Variants in MAGI2 observed in about 807,000 individuals in gnomAD.
MAGI2 encodes membrane associated guanylate kinase, WW and PDZ domain containing 2.
A neutral mutation model predicts 133.3 loss-of-function variants in MAGI2; 35 were observed. That is an observed-to-expected ratio of 0.26 (90% CI 0.20 to 0.35). MAGI2 has a LOEUF of 0.35. Among genes scored for constraint, MAGI2 ranks in the 10% least tolerant of loss-of-function variants. MAGI2 has a pLI of 1.00. For missense variants in MAGI2, 1,636 were observed against 1,863.4 expected, an observed-to-expected ratio of 0.88 and a Z score of 2.25; for synonymous variants, 729 against 710.6, an observed-to-expected ratio of 1.03 and a Z score of -0.41.
At chr7:79,039,835 A>G (rs546339291) in intron 1 of MAGI2, among the ~76,000 whole-genome samples, 105 of 145,990 alleles carry the variant, frequency 7.2e-4, no homozygotes, top group Admixed American at 2.1e-3. Context: ...TTCATTGTAT[A>G]TATTATATAT....
intron 1 of MAGI2, among the ~76,000 whole-genome samples, chr7:79,039,850 A>ATATAT (rs1054560298): frequency 6.9e-6 from 1 of 144,296 alleles, no homozygotes; most frequent in African/African-American, 2.5e-5. Flanking sequence ...ATATATACAT[A>ATATAT]TATATTATAT....
intron 6 of MAGI2, among the ~76,000 whole-genome samples, chr7:78,441,809 A>AT (rs1554411639): frequency 2.0e-5 from 3 of 152,180 alleles, no homozygotes; most frequent in Non-Finnish European, 4.4e-5. Flanking sequence ...GAATGAAATA[A>AT]TTAACATTTC....
At chr7:79,067,740 T>G (rs1814514661) in intron 1 of MAGI2, among the ~76,000 whole-genome samples, 1 of 152,214 alleles carries the variant, frequency 6.6e-6, no homozygotes, top group Admixed American at 6.5e-5. Context: ...TGGTTGTGGG[T>G]TTGACCTAAA....
intron 10 of MAGI2, among the ~76,000 whole-genome samples, chr7:78,214,238 A>C (rs1788050331): frequency 1.3e-5 from 2 of 152,194 alleles, no homozygotes; most frequent in African/African-American, 4.8e-5. Context: ...TCCTTTTTAA[A>C]TATTACATCT....
chr7:78,091,093 G>A (rs1294741355), intron 20 of MAGI2, among the ~76,000 whole-genome samples: 6 of 151,978 alleles, frequency 3.9e-5, no homozygotes, highest in African/African-American at 1.4e-4. Context: ...GAGAGTAAGA[G>A]TGAATGAATA....
Position 79,082,136 on chromosome 7 carries a change from T to G in MAGI2, c.302-74930A>C, listed in dbSNP as rs529638660. ...GAATACCACTCCATTACCAGATATA[T>G]GATTTGCACATATTTTCTTCCATCA... is the stretch of plus-strand genomic sequence containing the variant. On this transcript the variant is annotated intron_variant, in intron 1 of 21. Transcript: ENST00000354212. 3.3e-5 allele frequency among the ~76,000 whole-genome samples: 5 copies of G among 152,250 alleles called. No homozygotes were observed. In the South Asian group the frequency reaches 1.0e-3, roughly 32 times the overall value.
intron 20 of MAGI2, among the ~76,000 whole-genome samples, chr7:78,121,161 A>AT (rs1820436541): frequency 1.3e-5 from 2 of 151,990 alleles, no homozygotes; most frequent in African/African-American, 4.8e-5. Flanking sequence ...AGAAGAAGAT[A>AT]TAAGAGAAGA....
At chr7:78,774,324 T>C (rs796076791) in intron 2 of MAGI2, among the ~76,000 whole-genome samples, 21 of 152,222 alleles carry the variant, frequency 1.4e-4, no homozygotes, top group African/African-American at 5.1e-4. Flanking sequence ...AACAACAGAA[T>C]TCAACTAGCT....
At chr7:78,076,454 C>CAA (rs55957020) in intron 21 of MAGI2, among the ~76,000 whole-genome samples, 17,199 of 90,062 alleles carry the variant, frequency 0.19, 1,437 homozygotes, top group Non-Finnish European at 0.2. Context: ...GACCTTGTTT[C>CAA]AAAAAAAAAA....
intron 1 of MAGI2, among the ~76,000 whole-genome samples, chr7:79,061,295 A>AG (rs1813702407): frequency 6.7e-6 from 1 of 149,776 alleles, no homozygotes; most frequent in Non-Finnish European, 1.5e-5. Context: ...AAGGACTGTT[A>AG]GAAAAAAAAA....
chr7:78,801,298 T>C (rs1788036136), intron 2 of MAGI2, among the ~76,000 whole-genome samples: 1 of 152,300 alleles, frequency 6.6e-6, no homozygotes, highest in Admixed American at 6.5e-5. Flanking sequence ...AGCAAGTACT[T>C]CATGTCTGCA....
intron 6 of MAGI2, among the ~76,000 whole-genome samples, chr7:78,430,018 T>A (rs1799643497): frequency 6.6e-6 from 1 of 152,094 alleles, no homozygotes; most frequent in African/African-American, 2.4e-5. Context: ...CCTTCTTCAT[T>A]CATGCTCCAG....
At chr7:78,395,021 G>C (rs930025127) in intron 6 of MAGI2, among the ~76,000 whole-genome samples, 4 of 152,140 alleles carry the variant, frequency 2.6e-5, no homozygotes, top group African/African-American at 4.8e-5. Context: ...ATGTATTTTT[G>C]TTTCCTGAAT....
intron 21 of MAGI2, among the ~76,000 whole-genome samples, chr7:78,075,462 T>C (rs10236042): frequency 0.68 from 102,919 of 150,454 alleles, 35,396 homozygotes; most frequent in East Asian, 0.76. Context: ...CTGCAAGCTC[T>C]GCCTCCCAGG....
chr7:78,675,193 C>T (rs540212655), intron 2 of MAGI2, among the ~76,000 whole-genome samples: 14 of 152,146 alleles, frequency 9.2e-5, no homozygotes, highest in African/African-American at 3.4e-4. Context: ...CACTTCAAGG[C>T]TATAAAAAGA....
At chr7:78,458,154 C>G (rs757563626) in intron 6 of MAGI2, among the ~76,000 whole-genome samples, 1 of 151,650 alleles carries the variant, frequency 6.6e-6, no homozygotes, top group African/African-American at 2.4e-5. Context: ...TAATTAGCTG[C>G]GCGTGGTGGC....
chr7:78,380,577 A>C (rs1794832109), intron 6 of MAGI2, among the ~76,000 whole-genome samples: 1 of 152,128 alleles, frequency 6.6e-6, no homozygotes, highest in Admixed American at 6.6e-5. Context: ...ATAGAGTAGA[A>C]TGATGGTTAC....
rs200092239 is a variant in MAGI2 at position 79,453,337 on chromosome 7, G to A, written c.-17C>T. On this transcript the variant is annotated 5_prime_UTR_variant, in exon 1 of 22. Coordinates refer to ENST00000354212, the MANE Select transcript of MAGI2 (RefSeq NM_012301.4). ...TTTGGACATGGCAGTGGGGCGAGTC[G>A]CCTCAGTTCCTGGGCTCCTTGGGGT... 51 of 1,590,456 alleles carry A rather than the reference G, an allele frequency of 3.2e-5. No individual in the cohort carries two copies. The African/African-American group carries it at 6.2e-4, about 19-fold the overall frequency.
At chr7:79,447,662 A>G (rs1848955536) in intron 1 of MAGI2, among the ~76,000 whole-genome samples, 1 of 151,950 alleles carries the variant, frequency 6.6e-6, no homozygotes, top group Non-Finnish European at 1.5e-5. Flanking sequence ...TAGTATTTTA[A>G]TAGTACTATA....
Sources: allele counts gnomAD v4.1 joint callset (sites outside exome capture counted in the v4.1 genomes callset), GRCh38; gene constraint gnomAD v4.1.1; transcripts MANE v1.5; gene names NCBI Gene and HGNC (gene_info 2026-07-23, HGNC 2026-07-21).